Variants in UQCC1 observed in about 807,000 individuals in gnomAD.
UQCC1 encodes the protein bFGF-repressed Zic-binding protein.
Under a neutral mutation model 48.0 loss-of-function variants are expected in UQCC1, and 38 were observed. That is an observed-to-expected ratio of 0.79 (90% CI 0.61 to 1.04). The LOEUF (loss-of-function observed/expected upper bound fraction) is 1.04. UQCC1 is among the 50% of genes least tolerant of loss of function. UQCC1 has a pLI of 0.00. For synonymous variants in UQCC1, 111 were observed against 129.2 expected, an observed-to-expected ratio of 0.86 and a Z score of 0.95; for missense variants, 368 against 381.8, an observed-to-expected ratio of 0.96 and a Z score of 0.30.
In UQCC1 at chr20:35,351,686, C is replaced by A. The variant is rs144076631; in HGVS notation, c.465-4414G>T. Among the ~76,000 whole-genome samples the A allele has an allele frequency of 2.7e-3, 415 of 152,312 alleles. 3 individuals are homozygous for A. Among genetic ancestry groups the A allele is most frequent in the African/African-American group, 9.6e-3 (399 of 41,562 alleles). ...TTGAAAATTCTGTAGTTTGTTAATA[C>A]ACCTGCCCTCTGAGGTTTAAAAGGC... On this transcript the variant is annotated intron_variant, in intron 6 of 9. Coordinates refer to ENST00000374385, the MANE Select transcript of UQCC1 (RefSeq NM_018244.5).
intron 7 of UQCC1, among the ~76,000 whole-genome samples, chr20:35,324,377 A>C (rs2425058): frequency 0.39 from 58,950 of 151,934 alleles, 12,403 homozygotes; most frequent in African/African-American, 0.55. Flanking sequence ...CCCAGGCTGG[A>C]GTGCCGTGGC....
At chr20:35,353,569 T>C (rs967127416) in intron 6 of UQCC1, among the ~76,000 whole-genome samples, 12 of 152,170 alleles carry the variant, frequency 7.9e-5, no homozygotes, top group East Asian at 1.9e-4. Context: ...GGTGGGAGGA[T>C]TGCTTGAGGC....
At chr20:35,366,470 T>C in intron 6 of UQCC1, 87 bp downstream of exon 6, 1 of 1,142,940 alleles carries the variant, frequency 8.7e-7, no homozygotes, top group East Asian at 2.5e-5. Context: ...CCATTTCATA[T>C]AATCAGCCCT....
At chr20:35,330,850 A>G (rs747878248) in intron 7 of UQCC1, among the ~76,000 whole-genome samples, 2 of 151,180 alleles carry the variant, frequency 1.3e-5, no homozygotes, top group Non-Finnish European at 2.9e-5. Context: ...CAGGCTCTGC[A>G]TTGGAGCCTG....
intron 7 of UQCC1, among the ~76,000 whole-genome samples, chr20:35,317,233 C>T (rs1352521036): frequency 3.3e-5 from 5 of 152,240 alleles, no homozygotes; most frequent in African/African-American, 7.2e-5. Context: ...CCACTGCGCC[C>T]GGCCCCTTTC....
At chr20:35,325,674 C>T (rs1304790609) in intron 7 of UQCC1, among the ~76,000 whole-genome samples, 1 of 152,150 alleles carries the variant, frequency 6.6e-6, no homozygotes, top group Non-Finnish European at 1.5e-5. Context: ...GGGAGACACA[C>T]CTAGCACGTT....
chr20:35,386,119 G>A (rs938406975), intron 2 of UQCC1, among the ~76,000 whole-genome samples: 3 of 151,908 alleles, frequency 2.0e-5, no homozygotes, highest in Non-Finnish European at 4.4e-5. Context: ...ACATGACTGC[G>A]TAGACTGCAT....
intron 7 of UQCC1, among the ~76,000 whole-genome samples, chr20:35,324,173 C>T (rs2146331285): frequency 6.6e-6 from 1 of 152,334 alleles, no homozygotes; most frequent in South Asian, 2.1e-4. Flanking sequence ...CCCTTAGCTG[C>T]CCTGTATCTT....
intron 6 of UQCC1, among the ~76,000 whole-genome samples, chr20:35,364,516 G>A (rs2061643716): frequency 6.6e-6 from 1 of 152,232 alleles, no homozygotes; most frequent in African/African-American, 2.4e-5. Context: ...GCACACATAG[G>A]AGGTCCTCAA....
At chr20:35,318,161 C>T (rs945631905) in intron 7 of UQCC1, among the ~76,000 whole-genome samples, 1 of 152,184 alleles carries the variant, frequency 6.6e-6, no homozygotes, top group Non-Finnish European at 1.5e-5. Flanking sequence ...CTGAACCTGC[C>T]TAGCAGAGCT....
intron 7 of UQCC1, among the ~76,000 whole-genome samples, chr20:35,320,894 C>A (rs2061116534): frequency 6.6e-6 from 1 of 152,188 alleles, no homozygotes; most frequent in Admixed American, 6.5e-5. Context: ...AGGACTATAT[C>A]AAATTCATCA....
intron 7 of UQCC1, among the ~76,000 whole-genome samples, chr20:35,318,508 G>A (rs1001671938): frequency 6.6e-5 from 10 of 152,206 alleles, no homozygotes; most frequent in South Asian, 2.1e-4. Context: ...CAGGAAAAAC[G>A]GAGTGCAAGA....
rs1370852913 is a variant in UQCC1, at chr20:35,410,716, A to AAAAAAAAAAAAAAAAC, written c.24+1223_24+1224insGTTTTTTTTTTTTTTT. ...CAAGACTCTGCCTCAAAAAAAAAAA[A>AAAAAAAAAAAAAAAAC]AAAAAAAACAAAACCCTAAAGGGTG... is the stretch of plus-strand genomic sequence containing the variant. On this transcript the variant is annotated intron_variant, in intron 1 of 9. Coordinates refer to ENST00000374385, the MANE Select transcript of UQCC1 (RefSeq NM_018244.5). Among the ~76,000 whole-genome samples, 42 of 108,760 alleles carry AAAAAAAAAAAAAAAAC rather than the reference A, an allele frequency of 3.9e-4. 1 individual carries two copies. The highest frequency in any genetic ancestry group is 5.9e-4 in the Non-Finnish European group (33 of 55,814). The allele number at this position is 108,760 out of a possible 152,430, so 71.4% of individuals were successfully genotyped here.
At chr20:35,349,299 G>C (rs950739763) in intron 6 of UQCC1, among the ~76,000 whole-genome samples, 1 of 152,170 alleles carries the variant, frequency 6.6e-6, no homozygotes, top group Non-Finnish European at 1.5e-5. Flanking sequence ...AATCTAACAA[G>C]ATCAACCTAA....
At chr20:35,324,606 G>T (rs1015863508) in intron 7 of UQCC1, among the ~76,000 whole-genome samples, 19 of 152,232 alleles carry the variant, frequency 1.2e-4, no homozygotes, top group Non-Finnish European at 2.5e-4. Context: ...GATTACAGGC[G>T]TGAGCCACCG....
intron 1 of UQCC1, among the ~76,000 whole-genome samples, chr20:35,398,464 G>A (rs2062113202): frequency 6.6e-6 from 1 of 152,118 alleles, no homozygotes; most frequent in African/African-American, 2.4e-5. Flanking sequence ...GTGGAGAAAG[G>A]CATTAAATTT....
At chr20:35,391,631 C>T (rs1201992163) in intron 2 of UQCC1, among the ~76,000 whole-genome samples, 1 of 16,500 alleles carries the variant, frequency 6.1e-5, no homozygotes, top group Non-Finnish European at 1.9e-4. Flanking sequence ...GGGACTCTGT[C>T]TTAAAAAAAA....
At chr20:35,331,468 AT>A (rs915107004) in intron 7 of UQCC1, among the ~76,000 whole-genome samples, 3 of 152,070 alleles carry the variant, frequency 2.0e-5, no homozygotes, top group African/African-American at 7.2e-5. Context: ...ACTCCAAGTA[AT>A]TTATTCACTG....
At chr20:35,410,605 T>G (rs1418209282) in intron 1 of UQCC1, among the ~76,000 whole-genome samples, 2 of 145,394 alleles carry the variant, frequency 1.4e-5, no homozygotes, top group Non-Finnish European at 3.0e-5. Context: ...CTCGGGAGGC[T>G]GGCACAGGAG....
Sources: allele counts gnomAD v4.1 joint callset (sites outside exome capture counted in the v4.1 genomes callset), GRCh38; gene constraint gnomAD v4.1.1; transcripts MANE v1.5; gene names NCBI Gene and HGNC (gene_info 2026-07-23, HGNC 2026-07-21).